The following CYREN variants were observed in gnomAD, a reference collection of about 807,000 sequenced individuals.
The protein encoded by CYREN is cell cycle regulator of NHEJ.
In CYREN, 7 loss-of-function variants were observed where a neutral mutation model predicts 9.7. The observed-to-expected ratio is 0.72, with a 90% confidence interval of 0.41 to 1.36. The LOEUF is 1.36. Among genes scored for constraint, CYREN ranks in the 40% most tolerant of loss-of-function variants. The pLI is 0.01. For missense variants in CYREN, 215 were observed against 198.1 expected (o/e 1.09, Z -0.51); for synonymous variants, 76 against 77.9 (o/e 0.98, Z 0.13).
rs566041696 is a variant in CYREN at position 135,118,767 on chromosome 7, T to C, written n.357-24185A>G. Reference sequence around the variant, plus strand: ...ATTAAAATGCTTCAAAAAACACTTATAAACACACTTGGAAGAAATAAAAAA... The same window carrying C: ...ATTAAAATGCTTCAAAAAACACTTACAAACACACTTGGAAGAAATAAAAAA... On this transcript the variant is annotated intron_variant and non_coding_transcript_variant, in intron 2 of 2. Coordinates refer to the CYREN transcript ENST00000459937. 2.0e-3 allele frequency among the ~76,000 whole-genome samples: 304 copies of C among 152,130 alleles called. 1 individual carries two copies. Among genetic ancestry groups the C allele is most frequent in the African/African-American group, 6.9e-3 (287 of 41,514 alleles).
chr7:135,125,122 T>TA (rs1177619246), intron 2 of CYREN, among the ~76,000 whole-genome samples: 5 of 151,566 alleles, frequency 3.3e-5, no homozygotes, highest in Non-Finnish European at 7.4e-5. Flanking sequence ...GCTGTTTTTT[T>TA]AAAAAAATTA....
chr7:135,150,597 C>T (rs181978990), intron 2 of CYREN, among the ~76,000 whole-genome samples: 8 of 152,198 alleles, frequency 5.3e-5, no homozygotes, highest in South Asian at 2.1e-4. Context: ...AGGGCTGGTG[C>T]GGGAAAACTA....
chr7:135,164,687 G>C (rs755720350), downstream of CYREN: 1 of 1,614,042 alleles, frequency 6.2e-7, no homozygotes, highest in Non-Finnish European at 8.5e-7. Context: ...GCCTGGGCCT[G>C]GCCAGGCTTG....
chr7:135,166,402 T>C lies in CYREN; in HGVS notation c.*209A>G. ...GAGTCAAATGGGATCTCATTTTGAG[T>C]CCTGCCTTCCGCACACTCAGAACGG... On this transcript the variant is annotated 3_prime_UTR_variant, in exon 4 of 4. Coordinates refer to ENST00000393114, the MANE Select transcript of CYREN (RefSeq NM_024033.4). 1 of 633,968 alleles carries C rather than the reference T, an allele frequency of 1.6e-6. No homozygotes were observed. Among genetic ancestry groups the C allele is most frequent in the Non-Finnish European group, 2.6e-6 (1 of 391,374 alleles). The allele number at this position is 633,968 out of a possible 1,614,324, so 39.3% of individuals were successfully genotyped here.
At chr7:135,162,383 G>C (rs1317164468), downstream of CYREN, among the ~76,000 whole-genome samples, 1 of 152,214 alleles carries the variant, frequency 6.6e-6, no homozygotes, top group Non-Finnish European at 1.5e-5. Context: ...AAAGCTTGAA[G>C]CTCTGTGTTC....
intron 2 of CYREN, among the ~76,000 whole-genome samples, chr7:135,138,314 T>C (rs1178026120): frequency 6.6e-6 from 1 of 152,048 alleles, no homozygotes; most frequent in Non-Finnish European, 1.5e-5. Flanking sequence ...ACCTAACAGA[T>C]AATAGTTTGT....
chr7:135,149,863 G>C (rs1201771387), intron 2 of CYREN, among the ~76,000 whole-genome samples: 1 of 152,028 alleles, frequency 6.6e-6, no homozygotes, highest in Admixed American at 6.5e-5. Context: ...TTGACAGTTT[G>C]CGTAAACATT....
chr7:135,147,492 C>T (rs1164160173), intron 2 of CYREN, among the ~76,000 whole-genome samples: 2 of 152,178 alleles, frequency 1.3e-5, no homozygotes, highest in Admixed American at 6.5e-5. Context: ...TAAACTCTGG[C>T]CAGGAGCCCC....
intron 2 of CYREN, among the ~76,000 whole-genome samples, chr7:135,102,741 C>T (rs1180338233): frequency 2.0e-5 from 3 of 151,582 alleles, no homozygotes; most frequent in African/African-American, 4.8e-5. Context: ...TAACCCTAAC[C>T]CTTGTCTTAC....
intron 2 of CYREN, among the ~76,000 whole-genome samples, chr7:135,157,051 A>G (rs1338319701): frequency 6.6e-6 from 1 of 152,226 alleles, no homozygotes; most frequent in Non-Finnish European, 1.5e-5. Context: ...TGGAACTGTA[A>G]GTCCAATTAA....
chr7:135,106,458 T>G (rs527690621), intron 2 of CYREN, among the ~76,000 whole-genome samples: 39 of 152,352 alleles, frequency 2.6e-4, no homozygotes, highest in African/African-American at 8.9e-4. Context: ...CTTTTCTGCA[T>G]CTATTGAGAA....
chr7:135,156,476 T>C (rs552678316), intron 2 of CYREN, among the ~76,000 whole-genome samples: 2 of 152,154 alleles, frequency 1.3e-5, no homozygotes, highest in East Asian at 1.9e-4. Flanking sequence ...TTCTTTCTTC[T>C]GCTTGGTGTA....
At chr7:135,097,337 G>GA (rs1210368991) in intron 2 of CYREN, among the ~76,000 whole-genome samples, 1 of 152,002 alleles carries the variant, frequency 6.6e-6, no homozygotes, top group Non-Finnish European at 1.5e-5. Context: ...GGCAACAAAA[G>GA]AAAAAATCCC....
chr7:135,137,025 G>T (rs937015421), intron 2 of CYREN, among the ~76,000 whole-genome samples: 6 of 151,958 alleles, frequency 3.9e-5, no homozygotes, highest in African/African-American at 1.5e-4. Flanking sequence ...TATTCTCTCA[G>T]CCCAGCATCT....
At chr7:135,095,424 AAAT>A (rs1822519063) in intron 2 of CYREN, among the ~76,000 whole-genome samples, 2 of 152,224 alleles carry the variant, frequency 1.3e-5, no homozygotes, top group Admixed American at 6.5e-5. Flanking sequence ...AGACAAAAAC[AAAT>A]ATCCTAGAGG....
intron 2 of CYREN, among the ~76,000 whole-genome samples, chr7:135,094,936 G>A (rs528478544): frequency 2.0e-5 from 3 of 152,296 alleles, no homozygotes; most frequent in African/African-American, 7.2e-5. Flanking sequence ...ACTGGGATCA[G>A]TTTCCTTGTA....
At chr7:135,129,027 C>T in intron 2 of CYREN, 1 of 1,608,416 alleles carries the variant, frequency 6.2e-7, no homozygotes, top group Non-Finnish European at 8.5e-7. Flanking sequence ...CTTTGAAATC[C>T]AGATCAGAGA....
At chr7:135,131,963 C>A (rs1469768697) in intron 2 of CYREN, among the ~76,000 whole-genome samples, 1 of 152,152 alleles carries the variant, frequency 6.6e-6, no homozygotes. Context: ...ATATGAACTA[C>A]CCCAACTCAT....
intron 2 of CYREN, among the ~76,000 whole-genome samples, chr7:135,150,328 C>T (rs556028929): frequency 6.6e-6 from 1 of 152,312 alleles, no homozygotes; most frequent in East Asian, 1.9e-4. Flanking sequence ...TTCTCTCTCT[C>T]ACTCACCCTG....
Sources: gnomAD v4.1 joint callset for allele counts (sites outside exome capture counted in the v4.1 genomes callset) on GRCh38, gnomAD v4.1.1 for gene constraint, MANE v1.5 for transcripts, NCBI Gene and HGNC (gene_info 2026-07-23, HGNC 2026-07-21) for gene names.